ATRN: variants seen among roughly 807,000 people sequenced by gnomAD.
ATRN encodes the protein attractin, also known as attractin-2.
A neutral mutation model predicts 178.7 loss-of-function variants in ATRN; 54 were observed. That is an observed-to-expected ratio of 0.30 (90% confidence interval 0.24 to 0.38). The LOEUF is 0.38. Ranked by LOEUF, ATRN falls within the 10% of genes least tolerant of loss-of-function variation. ATRN has a pLI of 1.00. For synonymous variants in ATRN, 636 were observed against 663.0 expected (o/e 0.96, Z 0.63); for missense variants, 1,443 against 1,815.1 (o/e 0.79, Z 3.73).
intron 1 of ATRN, among the ~76,000 whole-genome samples, chr20:3,475,409 T>G (rs756164750): frequency 3.3e-5 from 5 of 152,230 alleles, no homozygotes; most frequent in Non-Finnish European, 5.9e-5. Context: ...AAATTTAGAT[T>G]ATTGAATTAT....
At chr20:3,474,897 T>C (rs1052932540) in intron 1 of ATRN, among the ~76,000 whole-genome samples, 1 of 151,532 alleles carries the variant, frequency 6.6e-6, no homozygotes, top group African/African-American at 2.4e-5. Context: ...CTGGGCATGG[T>C]GGCAGGCGCC....
chr20:3,643,000 A>T (rs1408586355), intron 27 of ATRN, among the ~76,000 whole-genome samples: 1 of 152,172 alleles, frequency 6.6e-6, no homozygotes, highest in Non-Finnish European at 1.5e-5. Flanking sequence ...TGGCTGTGTC[A>T]CCCACACTGG....
chr20:3,487,315 C>T (rs1186789941), intron 1 of ATRN, among the ~76,000 whole-genome samples: 2 of 152,044 alleles, frequency 1.3e-5, no homozygotes, highest in Non-Finnish European at 2.9e-5. Flanking sequence ...CTCACTGCAA[C>T]CTCCGCCTCC....
intron 26 of ATRN, among the ~76,000 whole-genome samples, chr20:3,634,608 T>A (rs2087012453): frequency 6.6e-6 from 1 of 152,204 alleles, no homozygotes; most frequent in African/African-American, 2.4e-5. Flanking sequence ...TGCACCACAG[T>A]GTCTTACCTT....
chr20:3,560,206 TC>T (rs1157636144), intron 7 of ATRN, among the ~76,000 whole-genome samples: 1 of 152,124 alleles, frequency 6.6e-6, no homozygotes, highest in Non-Finnish European at 1.5e-5. Flanking sequence ...CTTCATGAGA[TC>T]CACTTTTTTA....
chr20:3,584,955 T>G (rs967327198), intron 18 of ATRN, 75 bp downstream of exon 18: 151 of 1,382,244 alleles, frequency 1.1e-4, no homozygotes, highest in Non-Finnish European at 1.5e-4. Context: ...AAAGCTACGT[T>G]GTGTATATGT....
At chr20:3,590,657 A>G (rs1311087132) in intron 18 of ATRN, among the ~76,000 whole-genome samples, 1 of 152,254 alleles carries the variant, frequency 6.6e-6, no homozygotes, top group Non-Finnish European at 1.5e-5. Context: ...AACTGTTAAG[A>G]TTCATCAAAA....
At chr20:3,495,375 G>C (rs2084864079) in intron 1 of ATRN, among the ~76,000 whole-genome samples, 1 of 152,176 alleles carries the variant, frequency 6.6e-6, no homozygotes, top group African/African-American at 2.4e-5. Flanking sequence ...CCACTCAAGA[G>C]GGGTTTGTGT....
intron 3 of ATRN, among the ~76,000 whole-genome samples, chr20:3,544,772 G>C (rs2085674355): frequency 1.3e-5 from 2 of 150,974 alleles, no homozygotes. Context: ...AAGCAAGTTG[G>C]TATTATGGCT....
chr20:3,629,464 A>G (rs946000638), intron 25 of ATRN, among the ~76,000 whole-genome samples: 2 of 152,110 alleles, frequency 1.3e-5, no homozygotes. Flanking sequence ...TTCATTCTGT[A>G]TACTTTCATA....
chr20:3,602,524 G>A (rs1198436899), intron 23 of ATRN, among the ~76,000 whole-genome samples: 1 of 152,110 alleles, frequency 6.6e-6, no homozygotes, highest in Non-Finnish European at 1.5e-5. Flanking sequence ...TAAGAATATT[G>A]CCTTGTACAC....
At chr20:3,499,794 A>G (rs1455580722) in intron 1 of ATRN, among the ~76,000 whole-genome samples, 1 of 150,802 alleles carries the variant, frequency 6.6e-6, no homozygotes, top group Non-Finnish European at 1.5e-5. Flanking sequence ...CATCTCTAAA[A>G]CACCAAAAGC....
At position 3,471,026 on chromosome 20, in the gene ATRN, G is replaced by GC; in HGVS notation, c.-78dup. 7.1e-7 allele frequency: 1 copy of GC among 1,403,508 alleles called. No individual in the cohort carries two copies. Among genetic ancestry groups the GC allele is most frequent in the African/African-American group, 1.5e-5 (1 of 66,654 alleles). 86.9% of individuals were successfully genotyped at this position (1,403,508 alleles called of 1,614,324 possible). A position where few individuals can be genotyped will look rare whatever the true frequency, so the allele number is the denominator to read the frequency against. On this transcript the variant is annotated 5_prime_UTR_variant, in exon 1 of 29. Coordinates refer to ENST00000262919, the MANE Select transcript of ATRN (RefSeq NM_139321.3). ...CACGAGCCACCGTCCGCACAGCCCC[G>GC]CCCCGCACGGCCAGGCGAAGCGGAG... is the stretch of plus-strand genomic sequence containing the variant.
intron 1 of ATRN, among the ~76,000 whole-genome samples, chr20:3,478,170 T>G (rs1221380994): frequency 6.6e-6 from 1 of 152,224 alleles, no homozygotes; most frequent in Non-Finnish European, 1.5e-5. Flanking sequence ...GTTGCACTTT[T>G]ACTGTTTTCT....
At position 3,638,604 on chromosome 20, in the gene ATRN, T is replaced by C. The variant is rs964581104; in HGVS notation, c.3943-224T>C. Among the ~76,000 whole-genome samples the C allele has an allele frequency of 6.6e-6, 1 of 152,196 alleles. No homozygotes were observed. Among genetic ancestry groups the C allele is most frequent in the Admixed American group, 6.5e-5 (1 of 15,282 alleles). ...CTGCAATAAACATCGTACGTTAATATGTATCTCTGACAGGGGCTTTTAAAA... is the reference window on the plus strand; with the variant it reads ...CTGCAATAAACATCGTACGTTAATACGTATCTCTGACAGGGGCTTTTAAAA... On this transcript the variant is annotated intron_variant, in intron 26 of 28. Transcript: ENST00000262919. The surrounding 1 kb of genome is among the most constrained non-coding windows in gnomAD (Gnocchi z 4.5).
intron 1 of ATRN, among the ~76,000 whole-genome samples, chr20:3,521,576 T>C (rs1479164644): frequency 6.6e-6 from 1 of 152,070 alleles, no homozygotes; most frequent in Admixed American, 6.6e-5. Context: ...CCTTTCAATA[T>C]CAATAAAACA....
intron 24 of ATRN, among the ~76,000 whole-genome samples, chr20:3,615,023 C>G (rs1468640480): frequency 6.6e-6 from 1 of 151,984 alleles, no homozygotes; most frequent in Non-Finnish European, 1.5e-5. Flanking sequence ...TCGATGGATG[C>G]TTGGGTGGTT....
intron 22 of ATRN, among the ~76,000 whole-genome samples, chr20:3,600,712 G>A (rs1212652043): frequency 1.3e-5 from 2 of 152,072 alleles, no homozygotes; most frequent in Non-Finnish European, 2.9e-5. Flanking sequence ...TTAGGCATTT[G>A]ATAAAGCATT....
Position 3,628,914 on chromosome 20 carries a change from C to G in ATRN, c.3863+4342C>G, listed in dbSNP as rs1202214755. On this transcript the variant is annotated intron_variant, in intron 25 of 28. Coordinates refer to ENST00000262919, the MANE Select transcript of ATRN (RefSeq NM_139321.3). ...TTTTTTCCCAGACCTTGACCCTGGCCGTCTTCTCACTCTGTGTTCTCTGAC... is the reference window on the plus strand; with the variant it reads ...TTTTTTCCCAGACCTTGACCCTGGCGGTCTTCTCACTCTGTGTTCTCTGAC... 4 of 985,144 alleles carry G rather than the reference C, an allele frequency of 4.1e-6. No individual in the cohort carries two copies. In the East Asian group the frequency reaches 3.4e-4, roughly 84 times the overall value. 61.0% of individuals were successfully genotyped at this position (985,144 alleles called of 1,614,324 possible).
Sources: allele counts gnomAD v4.1 joint callset (sites outside exome capture counted in the v4.1 genomes callset), GRCh38; gene constraint gnomAD v4.1.1; non-coding constraint Gnocchi (gnomAD v3.1); transcripts MANE v1.5; gene names NCBI Gene and HGNC (gene_info 2026-07-23, HGNC 2026-07-21).